The following SDK1 variants were observed in gnomAD, a reference collection of about 807,000 sequenced individuals.
SDK1 encodes sidekick cell adhesion molecule 1.
Under a neutral mutation model 245.5 loss-of-function variants are expected in SDK1, and 157 were observed. The ratio of observed to expected loss-of-function variants is 0.64; its 90% confidence interval spans 0.56 to 0.73. The LOEUF (loss-of-function observed/expected upper bound fraction) is 0.73. SDK1 is among the 30% of genes least tolerant of loss of function. SDK1 has a pLI of 0.00. For missense variants in SDK1, 3,583 were observed against 3,002.3 expected (o/e 1.19, Z -4.52); for synonymous variants, 1,647 against 1,278.5 (o/e 1.29, Z -6.15).
intron 1 of SDK1, among the ~76,000 whole-genome samples, chr7:3,563,326 C>G (rs964467957): frequency 3.9e-5 from 6 of 152,106 alleles, no homozygotes; most frequent in African/African-American, 1.2e-4. Flanking sequence ...GATGTATTCT[C>G]AGATGGGGCG....
At chr7:3,615,282 G>A (rs992141710) in intron 1 of SDK1, among the ~76,000 whole-genome samples, 1 of 151,616 alleles carries the variant, frequency 6.6e-6, no homozygotes, top group South Asian at 2.1e-4. Flanking sequence ...CTCCATTGCA[G>A]TTCAGCTTTA....
At chr7:4,247,786 CCTT>C (rs1456402237) in intron 44 of SDK1, among the ~76,000 whole-genome samples, 25 of 152,290 alleles carry the variant, frequency 1.6e-4, no homozygotes, top group Admixed American at 2.6e-4. Context: ...GGGCCAGTCT[CCTT>C]ATTGGTCAGA....
rs775574357 is a variant in SDK1, at chr7:4,265,198, C to T, written c.6456C>T (p.Tyr2152=). Residue 2152 remains tyrosine, a synonymous_variant, in exon 45 of 45, where the codon TAC becomes TAT. Transcript: ENST00000404826. ...FVNHYMSDPT[Y]YNSWKRRAQG... is the part of the protein sequence containing the mutation. ...ACCACTACATGAGCGACCCCACCTA[C>T]TACAACTCATGGAAGCGCAGGGCCC... 2 of 1,612,018 alleles carry T rather than the reference C, an allele frequency of 1.2e-6. No homozygotes were observed. The highest frequency in any genetic ancestry group is 1.1e-5 in the South Asian group (1 of 91,020).
intron 1 of SDK1, among the ~76,000 whole-genome samples, chr7:3,502,503 C>T (rs1489338924): frequency 6.6e-6 from 1 of 152,198 alleles, no homozygotes; most frequent in East Asian, 1.9e-4. Flanking sequence ...ACCGCCTTGG[C>T]CTCCCAAAGT....
At chr7:3,535,035 A>G (rs1179356044) in intron 1 of SDK1, among the ~76,000 whole-genome samples, 1 of 152,162 alleles carries the variant, frequency 6.6e-6, no homozygotes, top group Non-Finnish European at 1.5e-5. Flanking sequence ...GCACTTTGGG[A>G]GGCCAAGGTG....
chr7:3,550,516 C>T lies in SDK1; in HGVS notation c.299-68564C>T, dbSNP rs1779367761. Reference sequence around the variant, plus strand: ...CACTGCTGGGTGCTCATTGCTGCTCCTGTGCTGACTGTCTGCAGTGTGTGC... The same window carrying T: ...CACTGCTGGGTGCTCATTGCTGCTCTTGTGCTGACTGTCTGCAGTGTGTGC... On this transcript the variant is annotated intron_variant, in intron 1 of 44. Transcript: ENST00000404826. 1.3e-5 allele frequency among the ~76,000 whole-genome samples: 2 copies of T among 152,194 alleles called. 1 individual carries two copies. The highest frequency in any genetic ancestry group is 4.8e-5 in the African/African-American group (2 of 41,458).
intron 22 of SDK1, among the ~76,000 whole-genome samples, chr7:4,085,322 A>G (rs1356767344): frequency 1.3e-5 from 2 of 152,220 alleles, no homozygotes; most frequent in African/African-American, 2.4e-5. Context: ...AAAATGTGTT[A>G]TACCATGGAA....
chr7:3,442,275 TC>T (rs1411403319), intron 1 of SDK1, among the ~76,000 whole-genome samples: 4 of 152,226 alleles, frequency 2.6e-5, no homozygotes, highest in Admixed American at 2.6e-4. Flanking sequence ...TCCGCATTTT[TC>T]TAAAGGAGTA....
intron 4 of SDK1, among the ~76,000 whole-genome samples, chr7:3,738,134 C>T (rs1039573775): frequency 7.9e-5 from 12 of 152,344 alleles, no homozygotes; most frequent in South Asian, 4.1e-4. Flanking sequence ...AATCCAACAT[C>T]GTGAATCTTC....
Position 3,741,296 on chromosome 7 carries a change from C to G in SDK1, c.714-80154C>G, listed in dbSNP as rs563504079. On this transcript the variant is annotated intron_variant, in intron 4 of 44. Coordinates refer to ENST00000404826, the MANE Select transcript of SDK1 (RefSeq NM_152744.4). ...ACTTTAGGAAGGCCCTGTCAGCCCA[C>G]CTCCCTCACTGGCACACTAAGCAGG... Among the ~76,000 whole-genome samples the G allele has an allele frequency of 3.9e-5, 6 of 152,306 alleles. No individual in the cohort carries two copies. In the South Asian group the frequency reaches 1.2e-3, roughly 32 times the overall value.
chr7:3,882,084 G>A (rs1388746838), intron 5 of SDK1, among the ~76,000 whole-genome samples: 1 of 152,206 alleles, frequency 6.6e-6, no homozygotes, highest in Admixed American at 6.5e-5. Context: ...AGACAAGAGA[G>A]AAACGAGAGC....
At chr7:3,830,696 C>G (rs1040431779) in intron 5 of SDK1, among the ~76,000 whole-genome samples, 1 of 152,066 alleles carries the variant, frequency 6.6e-6, no homozygotes, top group South Asian at 2.1e-4. Flanking sequence ...CAGGATCTGC[C>G]CATTGTTGCC....
chr7:3,619,728 C>T (rs910195068), intron 2 of SDK1, among the ~76,000 whole-genome samples: 12 of 152,148 alleles, frequency 7.9e-5, no homozygotes, highest in African/African-American at 2.4e-4. Context: ...CCTGTATATT[C>T]AGCAGCAATA....
In SDK1 at chr7:3,402,198, A is replaced by G. The variant is rs151319270; in HGVS notation, c.298+100314A>G. Among the ~76,000 whole-genome samples the G allele has an allele frequency of 4.5e-3, 682 of 152,290 alleles. 3 individuals carry two copies. Among genetic ancestry groups the G allele is most frequent in the Middle Eastern group, 0.017 (5 of 294 alleles). On this transcript the variant is annotated intron_variant, in intron 1 of 44. Transcript: ENST00000404826. ...GGCTCAGTATCCTGCACTCAGTAGG[A>G]TATGTGGAGGATATATATAAAATCT...
At chr7:3,669,545 A>AT in intron 4 of SDK1, among the ~76,000 whole-genome samples, 1 of 151,958 alleles carries the variant, frequency 6.6e-6, no homozygotes, top group Non-Finnish European at 1.5e-5. Flanking sequence ...ACTCCTGCTC[A>AT]TTTTTTCTGG....
At chr7:3,596,857 C>A (rs1206783639) in intron 1 of SDK1, among the ~76,000 whole-genome samples, 1 of 152,084 alleles carries the variant, frequency 6.6e-6, no homozygotes, top group Admixed American at 6.6e-5. Context: ...AGGAAAGCAC[C>A]ATAAAAGATA....
intron 1 of SDK1, among the ~76,000 whole-genome samples, chr7:3,590,983 A>G (rs1328608748): frequency 6.6e-6 from 1 of 152,034 alleles, no homozygotes. Flanking sequence ...GAGTTTTGCC[A>G]TGTTGCCCAG....
intron 1 of SDK1, among the ~76,000 whole-genome samples, chr7:3,577,870 TCCGTACG>T (rs1780344208): frequency 6.6e-6 from 1 of 152,026 alleles, no homozygotes; most frequent in African/African-American, 2.4e-5. Flanking sequence ...TCCTGTCATG[TCCGTACG>T]CCTTAGAGGT....
At chr7:3,891,778 C>T (rs1360081909) in intron 5 of SDK1, among the ~76,000 whole-genome samples, 4 of 152,190 alleles carry the variant, frequency 2.6e-5, no homozygotes, top group Non-Finnish European at 4.4e-5. Context: ...GGTCTTTACC[C>T]GTAGGCTGTG....
Sources: gnomAD v4.1 joint callset for allele counts (sites outside exome capture counted in the v4.1 genomes callset) on GRCh38, gnomAD v4.1.1 for gene constraint, MANE v1.5 for transcripts, NCBI Gene and HGNC (gene_info 2026-07-23, HGNC 2026-07-21) for gene names.